SGIP1: variants seen among roughly 807,000 people sequenced by gnomAD.
SGIP1 encodes the protein SH3GL interacting endocytic adaptor 1, also known as SH3-containing GRB2-like protein 3-interacting protein 1.
In SGIP1, 38 loss-of-function variants were observed where a neutral mutation model predicts 107.5. That is an observed-to-expected ratio of 0.35 (90% confidence interval 0.27 to 0.46). SGIP1 has a LOEUF of 0.46. SGIP1 is among the 20% of genes least tolerant of loss of function. The probability of loss-of-function intolerance (pLI) is 1.00; values close to 1 mark genes in which losing one functional copy is unlikely to be tolerated. For synonymous variants in SGIP1, 365 were observed against 366.1 expected, an observed-to-expected ratio of 1.00 and a Z score of 0.03; for missense variants, 929 against 1,019.5, an observed-to-expected ratio of 0.91 and a Z score of 1.21.
intron 1 of SGIP1, among the ~76,000 whole-genome samples, chr1:66,597,820 C>T (rs2065014969): frequency 6.6e-6 from 1 of 152,138 alleles, no homozygotes; most frequent in Non-Finnish European, 1.5e-5. Flanking sequence ...TTTCCTTTCC[C>T]AGTTTCACCT....
chr1:66,741,495 A>G, intron 24 of SGIP1, 59 bp downstream of exon 24: 1 of 1,466,182 alleles, frequency 6.8e-7, no homozygotes, highest in East Asian at 2.5e-5. Flanking sequence ...GCTACTCTTA[A>G]GAGGAATAGG....
intron 7 of SGIP1, among the ~76,000 whole-genome samples, chr1:66,655,151 C>T (rs1222381750): frequency 6.6e-6 from 1 of 152,032 alleles, no homozygotes; most frequent in East Asian, 1.9e-4. Context: ...CAATAAGCCG[C>T]ATTGGAGCAG....
intron 18 of SGIP1, among the ~76,000 whole-genome samples, chr1:66,700,192 G>A (rs1038426726): frequency 4.6e-5 from 7 of 151,874 alleles, no homozygotes; most frequent in African/African-American, 1.2e-4. Flanking sequence ...CCAACATGCC[G>A]AAACCCCGCC....
chr1:66,664,196 T>G (rs1000247693), intron 8 of SGIP1, among the ~76,000 whole-genome samples: 4 of 152,220 alleles, frequency 2.6e-5, no homozygotes, highest in Non-Finnish European at 5.9e-5. Flanking sequence ...AAGCACAGTA[T>G]GGATTAGTCA....
rs1416555524 is a variant in SGIP1, at chr1:66,740,715, A to C, written c.2292A>C (p.Glu764Asp). 6.2e-7 allele frequency: 1 copy of C among 1,601,752 alleles called. No individual in the cohort carries two copies. Among genetic ancestry groups the C allele is most frequent in the Non-Finnish European group, 8.5e-7 (1 of 1,170,520 alleles). Residue 764 changes from glutamate to aspartate, a missense_variant, in exon 23 of 25, where the codon GAA (glutamate) becomes GAC (aspartate). Coordinates refer to ENST00000371037, the MANE Select transcript of SGIP1 (RefSeq NM_032291.4). ...WKIPDISQKSENGGVGSLLAR... is the reference protein window; with the variant it reads ...WKIPDISQKSDNGGVGSLLAR... ...TTCCTGATATCTCTCAGAAGTCAGA[A>C]AATGGAGGTAATGGAATCACAAGTT... is the stretch of plus-strand genomic sequence containing the variant.
intron 12 of SGIP1, among the ~76,000 whole-genome samples, chr1:66,676,549 C>CAAGG (rs987840662): frequency 8.0e-5 from 12 of 150,746 alleles, no homozygotes; most frequent in African/African-American, 3.0e-4. Flanking sequence ...AAAGACCCTT[C>CAAGG]AAGGATAGGA....
rs1039022381 is a variant in SGIP1 at position 66,751,034 on chromosome 1, C to G, written c.*7939C>G. Among the ~76,000 whole-genome samples the G allele has an allele frequency of 2.6e-5, 4 of 152,150 alleles. No individual in the cohort carries two copies. The East Asian group carries it at 7.7e-4, about 29-fold the overall frequency. ...GACACGTTACTGCAACTAGGGCTCC[C>G]ATTCCAGAACAAAGTTTAATTCTAT... On this transcript the variant is annotated 3_prime_UTR_variant, in exon 25 of 25. Transcript: ENST00000371037.
At chr1:66,715,755 T>G (rs867852099) in intron 18 of SGIP1, among the ~76,000 whole-genome samples, 3 of 152,270 alleles carry the variant, frequency 2.0e-5, no homozygotes, top group Middle Eastern at 3.4e-3. Flanking sequence ...GGTGCTTTTT[T>G]TCACATATTC....
rs114425850 is a variant in SGIP1 at position 66,561,876 on chromosome 1, C to T, written c.10+27508C>T. On this transcript the variant is annotated intron_variant, in intron 1 of 24. Coordinates refer to ENST00000371037, the MANE Select transcript of SGIP1 (RefSeq NM_032291.4). ...TATTAGTACTCATTTCTACATTCAG[C>T]GTTATAGAAAAGTTACAATAAAGTC... Among the ~76,000 whole-genome samples the T allele has an allele frequency of 2.3e-3, 351 of 152,024 alleles. 1 individual carries two copies. The highest frequency in any genetic ancestry group is 8.3e-3 in the African/African-American group (343 of 41,504).
At chr1:66,618,747 C>G (rs1002500739) in intron 1 of SGIP1, among the ~76,000 whole-genome samples, 8 of 152,224 alleles carry the variant, frequency 5.3e-5, no homozygotes, top group African/African-American at 1.7e-4. Context: ...AGCTGCCTTT[C>G]CCTCACCCCT....
chr1:66,540,774 T>C (rs78223325), intron 1 of SGIP1, among the ~76,000 whole-genome samples: 1 of 152,170 alleles, frequency 6.6e-6, no homozygotes, highest in African/African-American at 2.4e-5. Flanking sequence ...GAAGTCAGAC[T>C]TGAGTTTGAG....
intron 5 of SGIP1, among the ~76,000 whole-genome samples, chr1:66,640,772 T>A (rs2076632061): frequency 9.2e-6 from 1 of 108,204 alleles, no homozygotes. Context: ...CTCAGTACAC[T>A]TGTATTAAAA....
At chr1:66,732,157 T>G (rs2094042334) in intron 20 of SGIP1, among the ~76,000 whole-genome samples, 1 of 152,242 alleles carries the variant, frequency 6.6e-6, no homozygotes, top group South Asian at 2.1e-4. Flanking sequence ...TCAAATCTAC[T>G]TAGTACAAAT....
At chr1:66,695,516 G>C in intron 18 of SGIP1, 23 bp downstream of exon 18, 1 of 1,609,524 alleles carries the variant, frequency 6.2e-7, no homozygotes, top group Non-Finnish European at 8.5e-7. Flanking sequence ...TAGCATACCA[G>C]ATTCTAATTT....
chr1:66,715,255 T>C (rs1170318545), intron 18 of SGIP1, among the ~76,000 whole-genome samples: 1 of 152,186 alleles, frequency 6.6e-6, no homozygotes, highest in Admixed American at 6.5e-5. Context: ...TAAGGAATAT[T>C]GTAAGTGGGA....
rs180738366 is a variant in SGIP1 at position 66,592,964 on chromosome 1, G to A, written c.11-32883G>A. 2.5e-4 allele frequency among the ~76,000 whole-genome samples: 29 copies of A among 115,074 alleles called. No homozygotes were observed. In the East Asian group the frequency reaches 8.0e-3, roughly 32 times the overall value. The allele number at this position is 115,074 out of a possible 152,430, so 75.5% of individuals were successfully genotyped here. On this transcript the variant is annotated intron_variant, in intron 1 of 24. Coordinates refer to ENST00000371037, the MANE Select transcript of SGIP1 (RefSeq NM_032291.4). The stretch of plus-strand genomic sequence containing the variant: ...TCACCACATTGCCCAGGCTGATCTC[G>A]AACTCCTGGATTCAAAAGATCCTCC...
At chr1:66,540,612 C>T (rs951669711) in intron 1 of SGIP1, among the ~76,000 whole-genome samples, 4 of 152,024 alleles carry the variant, frequency 2.6e-5, no homozygotes, top group East Asian at 1.9e-4. Flanking sequence ...TAATGTTGTT[C>T]GGTGTATTTG....
chr1:66,695,811 A>C (rs2090796883), intron 18 of SGIP1, among the ~76,000 whole-genome samples: 3 of 152,248 alleles, frequency 2.0e-5, no homozygotes, highest in African/African-American at 7.2e-5. Flanking sequence ...TAACTCTGTC[A>C]ACCAGGGCTC....
intron 1 of SGIP1, among the ~76,000 whole-genome samples, chr1:66,552,363 T>C (rs1049976592): frequency 6.6e-6 from 1 of 152,120 alleles, no homozygotes; most frequent in African/African-American, 2.4e-5. Context: ...CCCTTGATGC[T>C]TCCACCTCAC....
Sources: allele counts gnomAD v4.1 joint callset (sites outside exome capture counted in the v4.1 genomes callset), GRCh38; gene constraint gnomAD v4.1.1; transcripts MANE v1.5; gene names NCBI Gene and HGNC (gene_info 2026-07-23, HGNC 2026-07-21).